VRK2: variants seen among roughly 807,000 people sequenced by gnomAD.
VRK2 encodes VRK serine/threonine kinase 2, also known as serine/threonine-protein kinase VRK2.
Under a neutral mutation model 57.6 loss-of-function variants are expected in VRK2, and 60 were observed. That is an observed-to-expected ratio of 1.04 (90% CI 0.85 to 1.29). The LOEUF is 1.29. VRK2 is among the 50% of genes most tolerant of loss of function. The pLI is 0.00. For missense variants in VRK2, 705 were observed against 588.1 expected (o/e 1.20, Z -2.06); for synonymous variants, 231 against 199.2 (o/e 1.16, Z -1.35).
intron 12 of VRK2, among the ~76,000 whole-genome samples, chr2:58,150,960 C>G (rs571523345): frequency 6.6e-6 from 1 of 151,370 alleles, no homozygotes; most frequent in African/African-American, 2.4e-5. Context: ...TTATTGATTT[C>G]TAATTTAATT....
rs1446027598 is a variant in VRK2, at chr2:58,155,761, C to A, written c.1183-3588C>A. 2.0e-5 allele frequency among the ~76,000 whole-genome samples: 3 copies of A among 147,480 alleles called. No homozygotes were observed. The East Asian group carries it at 6.1e-4, about 30-fold the overall frequency. ...CACCTCCCCACCGCCCCCACCATCC[C>A]CCCCACCCCGCCGCCCCGTTTCCAC... On this transcript the variant is annotated intron_variant, in intron 12 of 12. Coordinates refer to ENST00000340157, the MANE Select transcript of VRK2 (RefSeq NM_006296.7).
chr2:57,986,448 G>C (rs1166199436), intron 1 of VRK2, among the ~76,000 whole-genome samples: 1 of 151,790 alleles, frequency 6.6e-6, no homozygotes, highest in Non-Finnish European at 1.5e-5. Context: ...GGAAAGCCAA[G>C]GAATTAGAAA....
In VRK2 at chr2:57,916,331, G is replaced by A. The variant is rs1670148484; in HGVS notation, c.-439+8492G>A. 2.0e-5 allele frequency among the ~76,000 whole-genome samples: 3 copies of A among 151,698 alleles called. 1 individual carries two copies. Among genetic ancestry groups the A allele is most frequent in the South Asian group, 4.2e-4 (2 of 4,792 alleles). On this transcript the variant is annotated intron_variant, in intron 1 of 15. Coordinates refer to the VRK2 transcript ENST00000417641. Reference sequence around the variant, plus strand: ...TGAGGCAGGAGAATCGCTTGAACCTGGGAGGCTGAGGTTGCGGTGAGCTGA... The same window carrying A: ...TGAGGCAGGAGAATCGCTTGAACCTAGGAGGCTGAGGTTGCGGTGAGCTGA...
rs1573299285 is a variant in VRK2 at position 58,132,068 on chromosome 2, TA to T, written c.797+147del. On this transcript the variant is annotated intron_variant, in intron 9 of 12. Coordinates refer to ENST00000340157, the MANE Select transcript of VRK2 (RefSeq NM_006296.7). ...TTTCTTTAGTTTGAAAAATATGTTTTAAAAAAACCAAACAACTAACACATAA... is the reference window on the plus strand; with the variant it reads ...TTTCTTTAGTTTGAAAAATATGTTTTAAAAAACCAAACAACTAACACATAA... 7.5e-6 allele frequency: 8 copies of T among 1,067,432 alleles called. No homozygotes were observed. The South Asian group carries it at 9.3e-5, about 12-fold the overall frequency. 66.1% of individuals were successfully genotyped at this position (1,067,432 alleles called of 1,614,324 possible).
intron 2 of VRK2, among the ~76,000 whole-genome samples, chr2:58,030,036 A>G (rs1335588800): frequency 6.6e-6 from 1 of 152,106 alleles, no homozygotes; most frequent in African/African-American, 2.4e-5. Context: ...CCTCAGAGTC[A>G]GTTTTTTGGT....
chr2:57,951,739 G>T (rs61322978), intron 1 of VRK2, among the ~76,000 whole-genome samples: 28,852 of 151,910 alleles, frequency 0.19, 3,624 homozygotes, highest in African/African-American at 0.36. Flanking sequence ...ATTGTTAGCA[G>T]TTTTAAGCAA....
chr2:58,134,292 C>G (rs1244568327), intron 9 of VRK2, among the ~76,000 whole-genome samples: 1 of 152,160 alleles, frequency 6.6e-6, no homozygotes, highest in Non-Finnish European at 1.5e-5. Context: ...CTGCCCCATC[C>G]CCAGGAGGAA....
chr2:58,113,835 C>A (rs1358005519), intron 7 of VRK2, among the ~76,000 whole-genome samples: 1 of 152,158 alleles, frequency 6.6e-6, no homozygotes, highest in Non-Finnish European at 1.5e-5. Flanking sequence ...GATGCGACGG[C>A]TTGGCTTGGG....
chr2:57,946,894 T>C (rs1246919916), intron 1 of VRK2, among the ~76,000 whole-genome samples: 2 of 152,128 alleles, frequency 1.3e-5, no homozygotes, highest in African/African-American at 2.4e-5. Flanking sequence ...CTGGCTATAC[T>C]GATCTATGAG....
chr2:58,073,112 A>C (rs992085613), intron 2 of VRK2, among the ~76,000 whole-genome samples: 4 of 152,054 alleles, frequency 2.6e-5, no homozygotes, highest in African/African-American at 4.8e-5. Context: ...TTTAAATTCC[A>C]CGTATTTTGA....
chr2:58,023,096 C>A (rs554156318), intron 1 of VRK2, among the ~76,000 whole-genome samples: 13 of 152,110 alleles, frequency 8.5e-5, no homozygotes, highest in Non-Finnish European at 1.9e-4. Flanking sequence ...TTTCATCTTC[C>A]CAGACTGAAA....
At chr2:58,064,118 C>A (rs1668289701) in intron 2 of VRK2, among the ~76,000 whole-genome samples, 1 of 152,074 alleles carries the variant, frequency 6.6e-6, no homozygotes. Flanking sequence ...GAGATAGAAT[C>A]TATCCTGGTA....
chr2:58,114,122 G>A (rs1404878879), intron 7 of VRK2, among the ~76,000 whole-genome samples: 2 of 152,120 alleles, frequency 1.3e-5, no homozygotes, highest in Non-Finnish European at 2.9e-5. Flanking sequence ...ATACGGTTTT[G>A]TATGAATTGA....
At chr2:57,967,587 T>A (rs72947181) in intron 1 of VRK2, among the ~76,000 whole-genome samples, 1,773 of 152,262 alleles carry the variant, frequency 0.012, 51 homozygotes, top group African/African-American at 0.041. Flanking sequence ...AACAAAAATC[T>A]TGCGTGAGGC....
chr2:58,046,434 G>A (rs1045577491), upstream of VRK2: 1 of 956,752 alleles, frequency 1.0e-6, no homozygotes, highest in Non-Finnish European at 1.2e-6. Flanking sequence ...AGCTCGGTAA[G>A]GACTAGCCAT....
chr2:58,027,040 A>C (rs1471444001), intron 2 of VRK2, among the ~76,000 whole-genome samples: 3 of 152,056 alleles, frequency 2.0e-5, no homozygotes, highest in Middle Eastern at 3.2e-3. Flanking sequence ...TTTTTAGCCA[A>C]GCCATGGCTA....
intron 5 of VRK2, among the ~76,000 whole-genome samples, chr2:58,087,949 T>C (rs1453674849): frequency 6.6e-6 from 1 of 152,084 alleles, no homozygotes; most frequent in East Asian, 1.9e-4. Flanking sequence ...ATTGCACCAC[T>C]GCACTCCAGC....
chr2:57,998,066 C>A (rs1672980713), intron 1 of VRK2, among the ~76,000 whole-genome samples: 1 of 152,082 alleles, frequency 6.6e-6, no homozygotes, highest in African/African-American at 2.4e-5. Flanking sequence ...GGCTACATAT[C>A]ACCTCTGTTT....
intron 7 of VRK2, among the ~76,000 whole-genome samples, chr2:58,120,492 G>T (rs919601039): frequency 6.6e-6 from 1 of 151,806 alleles, no homozygotes; most frequent in African/African-American, 2.4e-5. Context: ...TGCCTGGCCA[G>T]GTTTTCATCT....
Sources: allele counts gnomAD v4.1 joint callset (sites outside exome capture counted in the v4.1 genomes callset), GRCh38; gene constraint gnomAD v4.1.1; transcripts MANE v1.5; gene names NCBI Gene and HGNC (gene_info 2026-07-23, HGNC 2026-07-21).